SLC38A4: variants seen among roughly 807,000 people sequenced by gnomAD.
SLC38A4 encodes sodium-coupled neutral amino acid transporter 4.
In SLC38A4, 20 loss-of-function variants were observed where a neutral mutation model predicts 63.1. The observed-to-expected ratio is 0.32, with a 90% CI of 0.22 to 0.46. The LOEUF is 0.46. Ranked by LOEUF, SLC38A4 falls within the 20% of genes least tolerant of loss-of-function variation. The pLI, the probability that SLC38A4 is intolerant of heterozygous loss-of-function variation, is 1.00. For synonymous variants in SLC38A4, 230 were observed against 225.5 expected (o/e 1.02, Z -0.18); for missense variants, 526 against 663.6 (o/e 0.79, Z 2.28).
At chr12:46,812,383 C>T (rs1180713624) in intron 1 of SLC38A4, among the ~76,000 whole-genome samples, 4 of 151,982 alleles carry the variant, frequency 2.6e-5, no homozygotes, top group Admixed American at 2.6e-4. Flanking sequence ...GTCTGTTCAT[C>T]CCTTTTTATC....
chr12:46,831,694 GC>G (rs1288915213), intron 1 of SLC38A4, among the ~76,000 whole-genome samples: 1 of 152,216 alleles, frequency 6.6e-6, no homozygotes, highest in Non-Finnish European at 1.5e-5. Flanking sequence ...GGTCTCTGGG[GC>G]GACCCAGCTA....
rs755676383 is a variant in SLC38A4 at position 46,785,222 on chromosome 12, T to C, written c.327-45A>G. 6.5e-6 allele frequency: 9 copies of C among 1,391,610 alleles called. No homozygotes were observed. The South Asian group carries it at 8.3e-5, about 13-fold the overall frequency. The allele number at this position is 1,391,610 out of a possible 1,614,324, so 86.2% of individuals were successfully genotyped here. On this transcript the variant is annotated intron_variant, in intron 5 of 16. Coordinates refer to ENST00000266579, the MANE Select transcript of SLC38A4 (RefSeq NM_018018.5). ...TAGGTAATAAAGTTTCTACAATAAA[T>C]AAAATGTAATTATGTTAGATGTTAC...
At chr12:46,775,585 A>G (rs1938508108) in intron 13 of SLC38A4, among the ~76,000 whole-genome samples, 1 of 151,920 alleles carries the variant, frequency 6.6e-6, no homozygotes, top group Non-Finnish European at 1.5e-5. Context: ...GCAGGTTACA[A>G]ACCCAGTGTG....
chr12:46,819,416 A>G (rs1939499564), intron 1 of SLC38A4, among the ~76,000 whole-genome samples: 1 of 151,956 alleles, frequency 6.6e-6, no homozygotes, highest in African/African-American at 2.4e-5. Context: ...TGATCATTAC[A>G]CATTATATAT....
intron 7 of SLC38A4, among the ~76,000 whole-genome samples, chr12:46,782,478 A>G (rs1387482629): frequency 6.6e-6 from 1 of 152,054 alleles, no homozygotes; most frequent in Non-Finnish European, 1.5e-5. Context: ...AATACTAACA[A>G]TATTCAATGT....
intron 1 of SLC38A4, among the ~76,000 whole-genome samples, chr12:46,805,895 G>A (rs547234232): frequency 6.6e-6 from 1 of 151,918 alleles, no homozygotes; most frequent in South Asian, 2.1e-4. Flanking sequence ...GTCTATAGGG[G>A]TAGGGGCTGG....
chr12:46,832,093 C>T (rs1383184030), intron 1 of SLC38A4, among the ~76,000 whole-genome samples: 2 of 152,040 alleles, frequency 1.3e-5, no homozygotes, highest in African/African-American at 4.8e-5. Context: ...CATTAGCCTG[C>T]AATAACCCAC....
chr12:46,766,560 C>T lies in SLC38A4; in HGVS notation c.*141G>A. 1 of 715,938 alleles carries T rather than the reference C, an allele frequency of 1.4e-6. No individual in the cohort carries two copies. The highest frequency in any genetic ancestry group is 1.5e-5 in the South Asian group (1 of 66,968). The allele number at this position is 715,938 out of a possible 1,614,324, so 44.3% of individuals were successfully genotyped here. A position where few individuals can be genotyped will look rare whatever the true frequency, so the allele number is the denominator to read the frequency against. ...CAGTGATTTTCCTCTTCTGCAGGTG[C>T]CTGGTGATATTACTGGTAAACGTCT... is the stretch of plus-strand genomic sequence containing the variant. On this transcript the variant is annotated 3_prime_UTR_variant, in exon 17 of 17. Coordinates refer to ENST00000266579, the MANE Select transcript of SLC38A4 (RefSeq NM_018018.5).
intron 1 of SLC38A4, among the ~76,000 whole-genome samples, chr12:46,804,538 T>C (rs1052292664): frequency 1.8e-4 from 27 of 152,012 alleles, no homozygotes; most frequent in African/African-American, 6.0e-4. Context: ...AACAATCTAA[T>C]AACCAATCAG....
chr12:46,805,885 G>A (rs1383552758), intron 1 of SLC38A4, among the ~76,000 whole-genome samples: 1 of 151,948 alleles, frequency 6.6e-6, no homozygotes, highest in African/African-American at 2.4e-5. Flanking sequence ...TGGTCTGTGT[G>A]TCTATAGGGG....
At chr12:46,777,834 A>G (rs1420886108) in intron 12 of SLC38A4, among the ~76,000 whole-genome samples, 1 of 152,030 alleles carries the variant, frequency 6.6e-6, no homozygotes, top group Non-Finnish European at 1.5e-5. Flanking sequence ...AAGGACAGAT[A>G]TTGACACATC....
intron 1 of SLC38A4, among the ~76,000 whole-genome samples, chr12:46,825,246 G>A (rs1391728849): frequency 6.9e-6 from 1 of 144,526 alleles, no homozygotes; most frequent in Non-Finnish European, 1.6e-5. Context: ...AGGAAACCAG[G>A]TGAAAGGTTT....
upstream of SLC38A4, among the ~76,000 whole-genome samples, chr12:46,830,298 T>TCACACACACACACACA (rs10597523): frequency 5.4e-5 from 8 of 148,412 alleles, no homozygotes; most frequent in South Asian, 6.5e-4. Context: ...TCTCTCTCTC[T>TCACACACACACACACA]CACACACACA....
chr12:46,778,615 A>T lies in SLC38A4; in HGVS notation c.879T>A (p.Asn293Lys), dbSNP rs775386704. The change falls in exon 11 of 17, where the codon AAT (asparagine) becomes AAA (lysine). Residue 293 changes from asparagine to lysine, a missense_variant. Physicochemically the swap from Asn to Lys is moderately conservative, Grantham distance 94. Coordinates refer to ENST00000266579, the MANE Select transcript of SLC38A4 (RefSeq NM_018018.5). ...CCTGGTTCTCATCCAGCCCTGCAGG[A>T]TTGCGGTGGGTGTAATCCATCATGA... ...VNFMMDYTHRNPAGLDENQAK... is the reference protein window; with the variant it reads ...VNFMMDYTHRKPAGLDENQAK... The T allele has an allele frequency of 1.2e-6, 2 of 1,613,078 alleles. No individual in the cohort carries two copies. Among genetic ancestry groups the T allele is most frequent in the Admixed American group, 1.7e-5 (1 of 59,864 alleles).
At chr12:46,767,882 A>G (rs1938331611) in intron 16 of SLC38A4, among the ~76,000 whole-genome samples, 1 of 152,088 alleles carries the variant, frequency 6.6e-6, no homozygotes, top group African/African-American at 2.4e-5. Flanking sequence ...AACAGGTACT[A>G]TGGAAGGGAA....
upstream of SLC38A4, among the ~76,000 whole-genome samples, chr12:46,827,816 T>C (rs912934751): frequency 2.9e-4 from 44 of 152,198 alleles, no homozygotes; most frequent in African/African-American, 1.1e-3. Context: ...GTCTTATCTT[T>C]CCATTTGAGC....
intron 2 of SLC38A4, among the ~76,000 whole-genome samples, chr12:46,799,762 T>A (rs1308012236): frequency 6.6e-6 from 1 of 152,134 alleles, no homozygotes; most frequent in Non-Finnish European, 1.5e-5. Flanking sequence ...AGAAACTAAA[T>A]ATTCTGAATC....
At chr12:46,827,234 C>T (rs772815918), upstream of SLC38A4, among the ~76,000 whole-genome samples, 11 of 152,130 alleles carry the variant, frequency 7.2e-5, no homozygotes, top group Admixed American at 3.9e-4. Context: ...CTCCTTTTTC[C>T]TTTGTTTTAG....
In SLC38A4 at chr12:46,779,873, G is replaced by A. The variant is rs773594524; in HGVS notation, c.576-11C>T. 6 of 1,611,398 alleles carry A rather than the reference G, an allele frequency of 3.7e-6. No homozygotes were observed. Among genetic ancestry groups the A allele is most frequent in the Admixed American group, 3.3e-5 (2 of 59,756 alleles). On this transcript the variant is annotated splice_polypyrimidine_tract_variant and intron_variant, in intron 8 of 16. Coordinates refer to ENST00000266579, the MANE Select transcript of SLC38A4 (RefSeq NM_018018.5). ...TTGAGGTACCATTCTCTAGAAGTGAGAGACAAGGATATTAGAATCAGAAAA... is the reference window on the plus strand; with the variant it reads ...TTGAGGTACCATTCTCTAGAAGTGAAAGACAAGGATATTAGAATCAGAAAA...
Sources: allele counts gnomAD v4.1 joint callset (sites outside exome capture counted in the v4.1 genomes callset), GRCh38; gene constraint gnomAD v4.1.1; transcripts MANE v1.5; gene names NCBI Gene and HGNC (gene_info 2026-07-23, HGNC 2026-07-21).